Variants in TULP2 observed in about 807,000 individuals in gnomAD.
TULP2 encodes TUB like protein 2.
TULP2 carries 64 observed loss-of-function variants against 60.3 expected under a neutral mutation model. The observed-to-expected ratio is 1.06, with a 90% CI of 0.87 to 1.31. TULP2 has a LOEUF of 1.31. TULP2 is among the 50% of genes most tolerant of loss of function. The pLI is 0.00. For synonymous variants in TULP2, 267 were observed against 265.4 expected (o/e 1.01, Z -0.06); for missense variants, 652 against 667.0 (o/e 0.98, Z 0.25).
intron 6 of TULP2, among the ~76,000 whole-genome samples, chr19:48,890,930 C>T (rs2037226712): frequency 6.6e-6 from 1 of 151,942 alleles, no homozygotes. Flanking sequence ...TTGGCCATCT[C>T]ATGAAAATAA....
At chr19:48,887,886 G>A in intron 8 of TULP2, 64 bp downstream of exon 8, 1 of 1,542,652 alleles carries the variant, frequency 6.5e-7, no homozygotes, top group Non-Finnish European at 8.8e-7. Flanking sequence ...AGCTCAGAAA[G>A]GAGTGGGATT....
At position 48,895,462 on chromosome 19, in the gene TULP2, G is replaced by GTGCC. The variant is rs2037270163; in HGVS notation, c.249_252dup (p.His85GlyfsTer72). 1.2e-6 allele frequency: 2 copies of GTGCC among 1,613,094 alleles called. No homozygotes were observed. The highest frequency in any genetic ancestry group is 1.7e-6 in the Non-Finnish European group (2 of 1,179,308). ...GCACTGTGGATGCCAGAGGGCAGAT[G>GTGCC]TGCCTCTGACACTTTCTTCCGGAGG... On this transcript the variant is annotated frameshift_variant, in exon 5 of 13. Transcript: ENST00000221399. LOFTEE classifies it high-confidence loss of function.
rs551404935 is a variant in TULP2, at chr19:48,894,117, C to A, written c.514+881G>T. Among the ~76,000 whole-genome samples the A allele has an allele frequency of 2.0e-5, 3 of 152,040 alleles. No homozygotes were observed. In the South Asian group the frequency reaches 6.2e-4, roughly 32 times the overall value. ...GCATGATCTCGGCTCACTGCAACCT[C>A]GGCCTCCTGGGTTCAAGTGACTCTC... On this transcript the variant is annotated intron_variant, in intron 6 of 12. Transcript: ENST00000221399.
chr19:48,896,349 C>A, intron 4 of TULP2, 81 bp downstream of exon 4: 3 of 1,483,316 alleles, frequency 2.0e-6, no homozygotes, highest in South Asian at 1.4e-5. Flanking sequence ...AAGGCTCCAC[C>A]CCTTCATCCA....
chr19:48,893,834 G>A (rs1186611211), intron 6 of TULP2, among the ~76,000 whole-genome samples: 10 of 151,832 alleles, frequency 6.6e-5, no homozygotes, highest in African/African-American at 2.2e-4. Context: ...GATTACAGGC[G>A]TGAGCCACCG....
At position 48,895,067 on chromosome 19, in the gene TULP2, C is replaced by T. The variant is rs2037266193; in HGVS notation, c.445G>A (p.Val149Ile). The change falls in exon 6 of 13, where the codon GTC (valine) becomes ATC (isoleucine). Residue 149 changes from valine (V) to isoleucine (I), a missense_variant. Coordinates refer to ENST00000221399, the MANE Select transcript of TULP2 (RefSeq NM_003323.3). ...GACTGTTTAAAAGGTGGGGGAGAGA[C>T]GGAACCATTCTCCACGGAGACTTCC... The part of the protein sequence containing the change: ...LEEVSVENGS[V>I]SPPPFKQSPR... The T allele has an allele frequency of 5.6e-6, 9 of 1,614,088 alleles. No individual in the cohort carries two copies. Among genetic ancestry groups the T allele is most frequent in the African/African-American group, 1.3e-5 (1 of 75,010 alleles).
At position 48,897,915 on chromosome 19, in the gene TULP2, A is replaced by G. The variant is rs2037296918; in HGVS notation, c.-1-46T>C. The G allele has an allele frequency of 3.2e-6, 5 of 1,568,066 alleles. No individual in the cohort carries two copies. Among genetic ancestry groups the G allele is most frequent in the Non-Finnish European group, 4.4e-6 (5 of 1,144,976 alleles). On this transcript the variant is annotated intron_variant, in intron 1 of 12. Coordinates refer to ENST00000221399, the MANE Select transcript of TULP2 (RefSeq NM_003323.3). The surrounding 1 kb of genome is among the most constrained non-coding windows in gnomAD (Gnocchi z 4.0). ...AGTCAGGATCAGAACCAACATCCCA[A>G]TGGATCCTGCCCACCAGCACCTAAT...
chr19:48,896,890 C>CTTTTT (rs142990965), intron 3 of TULP2, among the ~76,000 whole-genome samples: 1 of 147,714 alleles, frequency 6.8e-6, no homozygotes. Flanking sequence ...TCCTTTCTTA[C>CTTTTT]TTTTTTTTTT....
Position 48,897,269 on chromosome 19 carries a change from AAGACCTGGTGGAG to A in TULP2, c.84+63_84+75del. 1 of 1,518,752 alleles carries A rather than the reference AAGACCTGGTGGAG, an allele frequency of 6.6e-7. No homozygotes were observed. The highest frequency in any genetic ancestry group is 9.1e-7 in the Non-Finnish European group (1 of 1,102,984). The allele number at this position is 1,518,752 out of a possible 1,614,324, so 94.1% of individuals were successfully genotyped here. On this transcript the variant is annotated intron_variant, in intron 3 of 12. Coordinates refer to ENST00000221399, the MANE Select transcript of TULP2 (RefSeq NM_003323.3). This position sits in a 1 kb window ranked among gnomAD's most constrained non-coding sequence, Gnocchi z 4.0. ...CAACACGGGCTGGGAGTCCTAGAGC[AAGACCTGGTGGAG>A]AGGCCCCTGGGGAGGCACAGAAGGC...
chr19:48,894,152 C>T (rs945007803), intron 6 of TULP2, among the ~76,000 whole-genome samples: 2 of 151,818 alleles, frequency 1.3e-5, no homozygotes, highest in African/African-American at 2.4e-5. Context: ...CTTGCCTTGG[C>T]CTCCGGAGTA....
Position 48,887,311 on chromosome 19 carries a change from C to CTT in TULP2, c.948+637_948+638dup, listed in dbSNP as rs58640342. Among the ~76,000 whole-genome samples the CTT allele has an allele frequency of 9.9e-3, 391 of 39,354 alleles. 61 individuals carry two copies. The highest frequency in any genetic ancestry group is 0.014 in the East Asian group (16 of 1,140). The allele number at this position is 39,354 out of a possible 152,430, so 25.8% of individuals were successfully genotyped here. On this transcript the variant is annotated intron_variant, in intron 8 of 12. Transcript: ENST00000221399. Reference sequence around the variant, plus strand: ...CAAGTGTGAGCCACCGCGCCCAGCCCTTTTTTTTTTTTTTTTTTTTTTTTT... The same window carrying CTT: ...CAAGTGTGAGCCACCGCGCCCAGCCCTTTTTTTTTTTTTTTTTTTTTTTTTTT...
At chr19:48,883,900 C>T (rs2037156747) in intron 10 of TULP2, 32 bp downstream of exon 10, 1 of 1,613,840 alleles carries the variant, frequency 6.2e-7, no homozygotes, top group South Asian at 1.1e-5. Flanking sequence ...TCTGACTATC[C>T]TACCCCATTC....
At chr19:48,883,640 CT>C (rs1314858114) in intron 11 of TULP2, 113 bp downstream of exon 11, 22 of 1,152,010 alleles carry the variant, frequency 1.9e-5, no homozygotes, top group Non-Finnish European at 2.7e-5. Flanking sequence ...CATGTGACAC[CT>C]GCAACCCACT....
chr19:48,890,372 C>A (rs1485669428), intron 6 of TULP2, among the ~76,000 whole-genome samples: 1 of 152,166 alleles, frequency 6.6e-6, no homozygotes, highest in Non-Finnish European at 1.5e-5. Context: ...CCTCTCCCCA[C>A]TATTGTCTTG....
chr19:48,881,235 A>G (rs1457019802), intron 12 of TULP2, 109 bp from the exon 13 acceptor site: 2 of 661,380 alleles, frequency 3.0e-6, no homozygotes, highest in Non-Finnish European at 2.3e-6. Flanking sequence ...TTTGAGACAG[A>G]GTCTTGCTCT....
intron 12 of TULP2, among the ~76,000 whole-genome samples, chr19:48,881,809 C>A (rs2037135193): frequency 6.6e-6 from 1 of 152,146 alleles, no homozygotes; most frequent in Non-Finnish European, 1.5e-5. Flanking sequence ...GGAGCTACCG[C>A]GCCAGGCCGA....
chr19:48,895,865 G>A (rs766046775), intron 4 of TULP2, among the ~76,000 whole-genome samples: 11 of 152,066 alleles, frequency 7.2e-5, no homozygotes, highest in Non-Finnish European at 1.0e-4. Context: ...GGCAACAAGA[G>A]CTAAACTCCG....
At chr19:48,893,189 G>A (rs552039260) in intron 6 of TULP2, among the ~76,000 whole-genome samples, 1 of 152,118 alleles carries the variant, frequency 6.6e-6, no homozygotes, top group East Asian at 2.0e-4. Context: ...CCAACATGGT[G>A]AAACCCTGTC....
chr19:48,885,599 G>T (rs1244236270), intron 8 of TULP2, 39 bp from the exon 9 acceptor site: 17 of 1,582,312 alleles, frequency 1.1e-5, no homozygotes, highest in Non-Finnish European at 1.4e-5. Context: ...ATGGACTTCT[G>T]GATGCTGGGT....
Sources: gnomAD v4.1 joint callset for allele counts (sites outside exome capture counted in the v4.1 genomes callset) on GRCh38, gnomAD v4.1.1 for gene constraint, Gnocchi (gnomAD v3.1) non-coding constraint, MANE v1.5 for transcripts, NCBI Gene and HGNC (gene_info 2026-07-23, HGNC 2026-07-21) for gene names.